MAGEC3: variants seen among roughly 807,000 people sequenced by gnomAD.
MAGEC3 encodes the protein melanoma-associated antigen C3.
In MAGEC3, 34 loss-of-function variants were observed where a neutral mutation model predicts 35.3. The observed-to-expected ratio is 0.96, with a 90% CI of 0.73 to 1.28. The LOEUF is 1.28. Ranked by LOEUF, MAGEC3 falls within the 50% of genes most tolerant of loss-of-function variation. MAGEC3 has a pLI of 0.00. For synonymous variants in MAGEC3, 202 were observed against 185.6 expected (o/e 1.09, Z -0.72); for missense variants, 561 against 483.6 (o/e 1.16, Z -1.50).
Position 141,881,598 on chromosome X carries a change from TG to T in MAGEC3, c.713del (p.Gly238AlafsTer4). 1 of 1,211,521 alleles carries T rather than the reference TG, an allele frequency of 8.3e-7. No individual in the cohort carries two copies. The highest frequency in any genetic ancestry group is 1.1e-6 in the Non-Finnish European group (1 of 895,309). ...KAREFIEILF[G>X]ISLTEVDPDH... ...CCCGTGAGTTCATAGAGATTCTTTTTGGCATTTCCCTGACAGAAGTGGACCC... is the reference window on the plus strand; with the variant it reads ...CCCGTGAGTTCATAGAGATTCTTTTTGCATTTCCCTGACAGAAGTGGACCC... On this transcript the variant is annotated frameshift_variant, in exon 4 of 8. Transcript: ENST00000298296. LOFTEE classifies it high-confidence loss of function.
chrX:141,879,235 C>T lies in MAGEC3; in HGVS notation c.319C>T (p.Gln107Ter). 1 of 1,202,973 alleles carries T rather than the reference C, an allele frequency of 8.3e-7. No homozygotes were observed. Residue 107 changes from glutamine to a stop codon, truncating the protein, a stop_gained, in exon 3 of 8, where the codon CAG becomes TAG. Coordinates refer to ENST00000298296, the MANE Select transcript of MAGEC3 (RefSeq NM_138702.1). LOFTEE classifies it high-confidence loss of function. ...LQLSDLHFGS[Q>*]PEGKFSLRRA... is the part of the protein sequence containing the mutation. The stretch of plus-strand genomic sequence containing the variant: ...ACTTTCTGACTTGCATTTTGGGAGT[C>T]AGCCGGAGGGGAAGTTTTCTCTGAG...
intron 6 of MAGEC3, 142 bp from the exon 7 acceptor site, chrX:141,896,740 G>T: frequency 8.3e-7 from 1 of 1,211,575 alleles, no homozygotes; most frequent in Non-Finnish European, 1.1e-6. Flanking sequence ...AGATGCACAG[G>T]ATTCCATAGA....
chrX:141,896,109 G>A (rs942813157), intron 6 of MAGEC3: 13 of 132,068 alleles, frequency 9.8e-5, no homozygotes, highest in Admixed American at 9.7e-4. Flanking sequence ...GTCAGCCCCA[G>A]CTGTCAGCCT....
Position 141,855,716 on chromosome X carries a change from G to A in MAGEC3, c.124-9755G>A, listed in dbSNP as rs185936601. On this transcript the variant is annotated intron_variant, in intron 1 of 7. Coordinates refer to ENST00000298296, the MANE Select transcript of MAGEC3 (RefSeq NM_138702.1). ...ATTAAACTTATGCTTTTCATTTCAC[G>A]AACCATGTATAAAACAGGTAGCTAA... is the stretch of plus-strand genomic sequence containing the variant. 1.4e-4 allele frequency among the ~76,000 whole-genome samples: 16 copies of A among 111,441 alleles called. No homozygotes were observed. The East Asian group carries it at 4.5e-3, about 32-fold the overall frequency.
intron 4 of MAGEC3, among the ~76,000 whole-genome samples, chrX:141,892,481 A>T (rs2018049703): frequency 1.8e-5 from 2 of 111,652 alleles, no homozygotes; most frequent in Admixed American, 1.9e-4. Flanking sequence ...CTGAGTCAGT[A>T]TGAATATTTT....
chrX:141,877,010 G>A (rs1447625191), intron 2 of MAGEC3, among the ~76,000 whole-genome samples: 1 of 112,040 alleles, frequency 8.9e-6, no homozygotes, highest in Admixed American at 9.4e-5. Context: ...GACTATGCTT[G>A]TCCATTTGCA....
chrX:141,845,923 G>A lies in MAGEC3; in HGVS notation c.123+7485G>A, dbSNP rs192164996. ...GTAAAGTGGATATTATAATACATAT[G>A]AATACATATGTGATAGAGGTATAGT... On this transcript the variant is annotated intron_variant, in intron 1 of 7. Transcript: ENST00000298296. Among the ~76,000 whole-genome samples, 44 of 110,798 alleles carry A rather than the reference G, an allele frequency of 4.0e-4. 1 individual carries two copies. Among genetic ancestry groups the A allele is most frequent in the Admixed American group, 2.7e-3 (28 of 10,361 alleles).
intron 1 of MAGEC3, among the ~76,000 whole-genome samples, chrX:141,841,273 G>A (rs1432001035): frequency 9.0e-6 from 1 of 111,508 alleles, no homozygotes; most frequent in East Asian, 2.8e-4. Flanking sequence ...GGATATTTCA[G>A]GTCTCCAAAC....
At chrX:141,873,448 C>A (rs1256597971) in intron 2 of MAGEC3, among the ~76,000 whole-genome samples, 1 of 111,287 alleles carries the variant, frequency 9.0e-6, no homozygotes, top group East Asian at 2.8e-4. Context: ...CATACCCAAG[C>A]TGTTTTATCT....
intron 3 of MAGEC3, among the ~76,000 whole-genome samples, chrX:141,880,299 G>T (rs1173134128): frequency 9.0e-6 from 1 of 111,334 alleles, no homozygotes; most frequent in Non-Finnish European, 1.9e-5. Context: ...TCTCAGGGAT[G>T]TGGAGTTTGC....
chrX:141,892,694 G>GTGACTTTGGGTTTGGTGA (rs773934242), intron 4 of MAGEC3, among the ~76,000 whole-genome samples: 24 of 111,471 alleles, frequency 2.2e-4, no homozygotes, highest in Admixed American at 6.7e-4. Context: ...CAAACCCTAG[G>GTGACTTTGGGTTTGGTGA]TGACTTTGGG....
intron 1 of MAGEC3, among the ~76,000 whole-genome samples, chrX:141,859,135 A>C (rs751624363): frequency 1.8e-5 from 2 of 109,204 alleles, no homozygotes; most frequent in South Asian, 7.9e-4. Flanking sequence ...AGCATTTTGT[A>C]CCTATGAGAC....
intron 1 of MAGEC3, among the ~76,000 whole-genome samples, chrX:141,846,208 T>TG (rs2017715488): frequency 9.6e-6 from 1 of 103,921 alleles, no homozygotes; most frequent in African/African-American, 3.5e-5. Context: ...TCACCAGTGT[T>TG]TTTTTTTTTT....
chrX:141,868,270 T>A (rs1012261043), intron 2 of MAGEC3, among the ~76,000 whole-genome samples: 5 of 111,991 alleles, frequency 4.5e-5, no homozygotes, highest in Non-Finnish European at 7.5e-5. Flanking sequence ...TATTTAGGAC[T>A]TTTTCTGGGC....
intron 1 of MAGEC3, among the ~76,000 whole-genome samples, chrX:141,852,100 CTT>C (rs58227745): frequency 9.9e-5 from 8 of 80,479 alleles, no homozygotes; most frequent in African/African-American, 1.3e-4. Flanking sequence ...TTGTTTAGGT[CTT>C]TTTTTTTTTT....
intron 3 of MAGEC3, 114 bp downstream of exon 3, chrX:141,879,545 G>A (rs2017946263): frequency 1.1e-6 from 1 of 929,884 alleles, no homozygotes; most frequent in Non-Finnish European, 1.4e-6. Context: ...GGAAGGGGTG[G>A]AGGGGGCCCA....
chrX:141,838,330 C>A lies in MAGEC3; in HGVS notation c.15C>A (p.Cys5Ter). Residue 5 changes from cysteine to a stop codon, truncating the protein, a stop_gained, in exon 1 of 8, where the codon TGC becomes TGA. Transcript: ENST00000298296. LOFTEE classifies it high-confidence loss of function. ...TGGCAGTGGCCATGCTGCTGCCCTGCCACTGGGTGTTGGATGCCACCTTCA... is the reference window on the plus strand; with the variant it reads ...TGGCAGTGGCCATGCTGCTGCCCTGACACTGGGTGTTGGATGCCACCTTCA... MLLP[C>*]HWVLDATFSD... 9 of 1,210,679 alleles carry A rather than the reference C, an allele frequency of 7.4e-6. No individual in the cohort carries two copies. Among genetic ancestry groups the A allele is most frequent in the Non-Finnish European group, 1.0e-5 (9 of 894,571 alleles).
chrX:141,870,361 C>G (rs896765741), intron 2 of MAGEC3, among the ~76,000 whole-genome samples: 1 of 111,251 alleles, frequency 9.0e-6, no homozygotes, highest in Non-Finnish European at 1.9e-5. Context: ...CCTGTTAAGA[C>G]CCTTGACAAG....
At chrX:141,866,443 AAAAC>A (rs776133633) in intron 2 of MAGEC3, among the ~76,000 whole-genome samples, 5 of 112,423 alleles carry the variant, frequency 4.4e-5, no homozygotes, top group South Asian at 3.6e-4. Context: ...AAAAAGTAGA[AAAAC>A]AAACAATATC....
Sources: allele counts gnomAD v4.1 joint callset (sites outside exome capture counted in the v4.1 genomes callset), GRCh38; gene constraint gnomAD v4.1.1; transcripts MANE v1.5; gene names NCBI Gene and HGNC (gene_info 2026-07-23, HGNC 2026-07-21).